The following RAI14 variants were observed in gnomAD, a reference collection of about 807,000 sequenced individuals.
RAI14 encodes the protein ankycorbin.
Under a neutral mutation model 115.4 loss-of-function variants are expected in RAI14, and 45 were observed. The ratio of observed to expected loss-of-function variants is 0.39; its 90% confidence interval spans 0.31 to 0.50. The LOEUF is 0.50. Ranked by LOEUF, RAI14 falls within the 20% of genes least tolerant of loss-of-function variation. The probability of loss-of-function intolerance (pLI) is 0.85; values close to 1 mark genes in which losing one functional copy is unlikely to be tolerated. For missense variants in RAI14, 939 were observed against 1,131.2 expected, an observed-to-expected ratio of 0.83 and a Z score of 2.44; for synonymous variants, 371 against 415.4, an observed-to-expected ratio of 0.89 and a Z score of 1.30.
intron 2 of RAI14, among the ~76,000 whole-genome samples, chr5:34,696,735 T>TTAAC (rs1196523370): frequency 6.6e-6 from 1 of 152,192 alleles, no homozygotes; most frequent in Non-Finnish European, 1.5e-5. Flanking sequence ...ACGCCAGAAG[T>TTAAC]TAACTATTGA....
intron 2 of RAI14, among the ~76,000 whole-genome samples, chr5:34,753,906 C>CT (rs1448422093): frequency 8.5e-6 from 1 of 117,446 alleles, no homozygotes. Context: ...GAGCGAGACT[C>CT]TATCTCAAAA....
chr5:34,683,658 T>G (rs1025836085), intron 1 of RAI14, among the ~76,000 whole-genome samples: 1 of 152,078 alleles, frequency 6.6e-6, no homozygotes, highest in Non-Finnish European at 1.5e-5. Context: ...GCTGGACTGA[T>G]TTGTCCTGTT....
At chr5:34,798,913 C>G (rs1487938131) in intron 4 of RAI14, among the ~76,000 whole-genome samples, 2 of 152,230 alleles carry the variant, frequency 1.3e-5, no homozygotes, top group East Asian at 1.9e-4. Flanking sequence ...TGTCTCAGAG[C>G]TCCCGTCACT....
intron 3 of RAI14, among the ~76,000 whole-genome samples, chr5:34,783,874 A>G (rs1007327476): frequency 3.3e-5 from 5 of 152,238 alleles, no homozygotes; most frequent in Non-Finnish European, 5.9e-5. Flanking sequence ...TCACCGCAAA[A>G]CACTGCAAAA....
chr5:34,728,508 G>T (rs1170623172), intron 2 of RAI14: 1 of 152,122 alleles, frequency 6.6e-6, no homozygotes, highest in Non-Finnish European at 1.5e-5. Flanking sequence ...TGCTGTTCTC[G>T]TGATAGTGAA....
At chr5:34,678,208 A>G (rs532586338) in intron 1 of RAI14, among the ~76,000 whole-genome samples, 2 of 151,600 alleles carry the variant, frequency 1.3e-5, no homozygotes, top group South Asian at 4.2e-4. Context: ...AGCAATCCTC[A>G]TGCCTCAGCC....
chr5:34,770,212 G>A (rs1749975790), intron 3 of RAI14, among the ~76,000 whole-genome samples: 1 of 152,184 alleles, frequency 6.6e-6, no homozygotes. Flanking sequence ...CATACTTTGA[G>A]AACCACTGCA....
chr5:34,724,732 T>G (rs1021926227), intron 2 of RAI14, among the ~76,000 whole-genome samples: 1 of 152,194 alleles, frequency 6.6e-6, no homozygotes, highest in African/African-American at 2.4e-5. Flanking sequence ...AACCTGTAGC[T>G]TAGTTTTCCT....
chr5:34,709,429 C>T (rs1741129454), intron 2 of RAI14, among the ~76,000 whole-genome samples: 1 of 152,128 alleles, frequency 6.6e-6, no homozygotes, highest in Non-Finnish European at 1.5e-5. Context: ...GCCTGGGCCA[C>T]AGAGCAAGAC....
At chr5:34,804,099 G>T (rs914205283) in intron 5 of RAI14, among the ~76,000 whole-genome samples, 1 of 152,072 alleles carries the variant, frequency 6.6e-6, no homozygotes, top group African/African-American at 2.4e-5. Flanking sequence ...TTAAAACATC[G>T]GTTTCTAAGC....
intron 2 of RAI14, among the ~76,000 whole-genome samples, chr5:34,698,131 CT>C (rs1269366700): frequency 1.9e-5 from 1 of 52,636 alleles, no homozygotes; most frequent in Non-Finnish European, 3.8e-5. Context: ...TCCCCCTCCC[CT>C]CCCCCCTCCC....
intron 2 of RAI14, among the ~76,000 whole-genome samples, chr5:34,718,428 A>T (rs920310527): frequency 1.3e-5 from 2 of 152,266 alleles, no homozygotes; most frequent in Admixed American, 6.5e-5. Flanking sequence ...GGTTGAGAAG[A>T]CACATAATGG....
At chr5:34,781,757 T>A (rs1751675420) in intron 3 of RAI14, among the ~76,000 whole-genome samples, 1 of 152,192 alleles carries the variant, frequency 6.6e-6, no homozygotes, top group Non-Finnish European at 1.5e-5. Flanking sequence ...CCATTAGTAC[T>A]GAAAAATGTG....
At chr5:34,686,776 C>G (rs759579889) in intron 1 of RAI14, 96 bp from the exon 2 acceptor site, 118 of 663,670 alleles carry the variant, frequency 1.8e-4, no homozygotes, top group Non-Finnish European at 4.7e-5. Context: ...CCAACGCAAC[C>G]CTGCTCTGTC....
Position 34,824,508 on chromosome 5 carries a change from T to C in RAI14, c.2649+17T>C. The stretch of plus-strand genomic sequence containing the variant: ...GATAAAAAGGTTGGTGAAACTGTAT[T>C]GCTGTTGGGTTTCTAGCAATAAGTC... On this transcript the variant is annotated intron_variant, in intron 15 of 17. Coordinates refer to ENST00000265109, the MANE Select transcript of RAI14 (RefSeq NM_015577.3). 4 of 1,531,668 alleles carry C rather than the reference T, an allele frequency of 2.6e-6. No homozygotes were observed. Among genetic ancestry groups the C allele is most frequent in the Non-Finnish European group, 3.5e-6 (4 of 1,141,438 alleles). The allele number at this position is 1,531,668 out of a possible 1,614,324, so 94.9% of individuals were successfully genotyped here.
intron 3 of RAI14, among the ~76,000 whole-genome samples, chr5:34,768,949 A>G (rs1749784983): frequency 6.6e-6 from 1 of 151,830 alleles, no homozygotes; most frequent in African/African-American, 2.4e-5. Context: ...AGATGGTGCC[A>G]CTGCACTCCA....
intron 3 of RAI14, among the ~76,000 whole-genome samples, chr5:34,767,572 T>C (rs2150121875): frequency 6.6e-6 from 1 of 151,418 alleles, no homozygotes; most frequent in East Asian, 2.0e-4. Flanking sequence ...TCCAAGATGC[T>C]GTCGCTGCCA....
In RAI14 at chr5:34,823,324, G is replaced by A. The variant is rs1757108122; in HGVS notation, c.1482G>A (p.Glu494=). ...AAGAAACTCAGAGCAAATACGAGGA[G>A]GCTATGAAAGAAGTCCTTAGTGTGC... is the stretch of plus-strand genomic sequence containing the variant. ...KLKETQSKYE[E]AMKEVLSVQK... The change falls in exon 15 of 18, where the codon GAG becomes GAA. Residue 494 remains glutamate, a synonymous_variant. Coordinates refer to ENST00000265109, the MANE Select transcript of RAI14 (RefSeq NM_015577.3). The surrounding 1 kb of genome is among the most constrained non-coding windows in gnomAD (Gnocchi z 4.5). 3 of 1,613,974 alleles carry A rather than the reference G, an allele frequency of 1.9e-6. No individual in the cohort carries two copies. The highest frequency in any genetic ancestry group is 2.7e-5 in the African/African-American group (2 of 75,044).
Position 34,796,908 on chromosome 5 carries a change from TG to T in RAI14, c.256+883del, listed in dbSNP as rs370353518. Among the ~76,000 whole-genome samples, 337 of 152,292 alleles carry T rather than the reference TG, an allele frequency of 2.2e-3. 5 individuals carry two copies. Among genetic ancestry groups the T allele is most frequent in the African/African-American group, 7.5e-3 (311 of 41,558 alleles). Reference sequence around the variant, plus strand: ...CCTCTGAGATTCAGATTCCATTGTCTGGAAGTTGCCAGTCAACTGGTATTTT... The same window carrying T: ...CCTCTGAGATTCAGATTCCATTGTCTGAAGTTGCCAGTCAACTGGTATTTT... On this transcript the variant is annotated intron_variant, in intron 4 of 17. Transcript: ENST00000265109.
Sources: allele counts gnomAD v4.1 joint callset (sites outside exome capture counted in the v4.1 genomes callset), GRCh38; gene constraint gnomAD v4.1.1; non-coding constraint Gnocchi (gnomAD v3.1); transcripts MANE v1.5; gene names NCBI Gene and HGNC (gene_info 2026-07-23, HGNC 2026-07-21).